DLST: variants seen among roughly 807,000 people sequenced by gnomAD.
DLST encodes dihydrolipoamide S-succinyltransferase.
A neutral mutation model predicts 53.1 loss-of-function variants in DLST; 17 were observed. The observed-to-expected ratio is 0.32, with a 90% CI of 0.22 to 0.48. The LOEUF (loss-of-function observed/expected upper bound fraction) is 0.48. Ranked by LOEUF, DLST falls within the 20% of genes least tolerant of loss-of-function variation. The pLI, the probability that DLST is intolerant of heterozygous loss-of-function variation, is 0.99. For synonymous variants in DLST, 206 were observed against 204.8 expected (o/e 1.01, Z -0.05); for missense variants, 512 against 583.9 (o/e 0.88, Z 1.27).
chr14:74,882,126 C>T (rs1883539225), intron 1 of DLST, 110 bp downstream of exon 1: 2 of 1,043,506 alleles, frequency 1.9e-6, no homozygotes, highest in Admixed American at 4.3e-5. Flanking sequence ...GCACCAAGGG[C>T]ACTGGGACGC....
intron 7 of DLST, chr14:74,891,560 C>T (rs1261649332): frequency 2.0e-6 from 2 of 994,250 alleles, no homozygotes; most frequent in Middle Eastern, 5.1e-4. Context: ...AGGAAATGCT[C>T]ATTGTCTTTT....
Position 74,887,573 on chromosome 14 carries a change from C to T in DLST, c.147-1522C>T, listed in dbSNP as rs551438580. Among the ~76,000 whole-genome samples, 28 of 152,088 alleles carry T rather than the reference C, an allele frequency of 1.8e-4. 1 individual carries two copies. The South Asian group carries it at 5.0e-3, about 27-fold the overall frequency. ...AACAATTTTTGGTTTTATGTTTTTA[C>T]TAATAGTATTATATTTACATGATTA... On this transcript the variant is annotated intron_variant, in intron 3 of 14. Coordinates refer to ENST00000334220, the MANE Select transcript of DLST (RefSeq NM_001933.5).
At chr14:74,889,432 G>C (rs1883824843) in intron 5 of DLST, 83 bp downstream of exon 5, 2 of 1,161,626 alleles carry the variant, frequency 1.7e-6, no homozygotes, top group Non-Finnish European at 1.2e-6. Context: ...GCAGTGGTAT[G>C]ATCTCGGCTC....
At chr14:74,900,458 A>C in intron 13 of DLST, 86 bp downstream of exon 13, 6 of 1,230,028 alleles carry the variant, frequency 4.9e-6, no homozygotes, top group Non-Finnish European at 7.2e-6. Context: ...AGCAGTGCTC[A>C]TGGAAAGTCA....
At chr14:74,885,510 CA>C (rs1169931847) in intron 2 of DLST, 75 bp from the exon 3 acceptor site, 9 of 1,449,438 alleles carry the variant, frequency 6.2e-6, no homozygotes, top group Admixed American at 1.7e-5. Flanking sequence ...TGGGGGTGAG[CA>C]GACCTTTTCC....
At chr14:74,891,219 G>A in intron 7 of DLST, 52 bp downstream of exon 7, 1 of 1,612,408 alleles carries the variant, frequency 6.2e-7, no homozygotes, top group South Asian at 1.1e-5. Flanking sequence ...TCTTGGGATT[G>A]GGACTGAGCA....
At position 74,893,900 on chromosome 14, in the gene DLST, TATG is replaced by T. The variant is rs1395532705; in HGVS notation, c.673-409_673-407del. On this transcript the variant is annotated intron_variant, in intron 9 of 14. Coordinates refer to ENST00000334220, the MANE Select transcript of DLST (RefSeq NM_001933.5). ...TCTGCCTGAGAATACTTCCTAAAAATATGATAGCCTCGAAAGTTTGTTGCTCAT... is the reference window on the plus strand; with the variant it reads ...TCTGCCTGAGAATACTTCCTAAAAATATAGCCTCGAAAGTTTGTTGCTCAT... 5.3e-5 allele frequency among the ~76,000 whole-genome samples: 8 copies of T among 152,304 alleles called. No individual in the cohort carries two copies. The East Asian group carries it at 1.4e-3, about 26-fold the overall frequency.
At chr14:74,882,125 G>T (rs1257140676) in intron 1 of DLST, 109 bp downstream of exon 1, 3 of 1,045,546 alleles carry the variant, frequency 2.9e-6, no homozygotes, top group Non-Finnish European at 3.7e-6. Flanking sequence ...GGCACCAAGG[G>T]CACTGGGACG....
chr14:74,885,198 G>A (rs960584040), intron 2 of DLST, among the ~76,000 whole-genome samples: 3 of 152,164 alleles, frequency 2.0e-5, no homozygotes, highest in African/African-American at 4.8e-5. Flanking sequence ...CACAGGATAA[G>A]CCATCCCATG....
Position 74,902,435 on chromosome 14 carries a change from GCTGTTGGC to G in DLST, c.*108_*115del. On this transcript the variant is annotated 3_prime_UTR_variant, in exon 15 of 15. Transcript: ENST00000334220. ...TTAGCCTGGTGACAGGCAGACACAT[GCTGTTGGC>G]CTCAAGCAAGGAAGCAGAGCACTGT... is the stretch of plus-strand genomic sequence containing the variant. 1 of 1,404,848 alleles carries G rather than the reference GCTGTTGGC, an allele frequency of 7.1e-7. No individual in the cohort carries two copies. The highest frequency in any genetic ancestry group is 1.5e-5 in the South Asian group (1 of 65,310). The allele number at this position is 1,404,848 out of a possible 1,614,324, so 87.0% of individuals were successfully genotyped here.
intron 8 of DLST, 88 bp downstream of exon 8, chr14:74,893,074 C>T: frequency 6.9e-7 from 1 of 1,453,408 alleles, no homozygotes. Context: ...GATGATGGTT[C>T]TGAACAGGCC....
intron 9 of DLST, 105 bp downstream of exon 9, chr14:74,893,529 C>A: frequency 2.4e-6 from 3 of 1,230,400 alleles, no homozygotes; most frequent in South Asian, 1.2e-5. Flanking sequence ...GCAGCTCATT[C>A]CCTCAACCTT....
At position 74,884,278 on chromosome 14, in the gene DLST, T is replaced by G. The variant is rs12882632; in HGVS notation, c.98-1308T>G. 1.4e-3 allele frequency among the ~76,000 whole-genome samples: 214 copies of G among 152,290 alleles called. 6 individuals are homozygous for G. The East Asian group carries it at 0.038, about 27-fold the overall frequency. On this transcript the variant is annotated intron_variant, in intron 2 of 14. Transcript: ENST00000334220. The stretch of plus-strand genomic sequence containing the variant: ...AGTGTGGACTTTATCCTGAGAGTTA[T>G]GAGAACATAAAGCCCCTAGCACAAT...
chr14:74,892,756 A>G, intron 7 of DLST, 78 bp from the exon 8 acceptor site: 1 of 1,446,252 alleles, frequency 6.9e-7, no homozygotes. Flanking sequence ...TTGGAGCTAG[A>G]GTTTTTGCCA....
chr14:74,889,243 A>C (rs1179052157), intron 4 of DLST, 32 bp from the exon 5 acceptor site: 2 of 1,608,028 alleles, frequency 1.2e-6, no homozygotes, highest in Non-Finnish European at 1.7e-6. Flanking sequence ...AAAATGAACT[A>C]CTTATGATTT....
At chr14:74,889,728 C>T in intron 5 of DLST, 169 bp from the exon 6 acceptor site, 2 of 629,356 alleles carry the variant, frequency 3.2e-6, no homozygotes, top group South Asian at 2.2e-5. Context: ...ATTCTCCCCT[C>T]CCCTCAGGAT....
chr14:74,884,405 T>C (rs1443145796), intron 2 of DLST, among the ~76,000 whole-genome samples: 3 of 152,086 alleles, frequency 2.0e-5, no homozygotes, highest in East Asian at 3.9e-4. Flanking sequence ...GGCAGGACAA[T>C]GGAAAGAGCC....
intron 9 of DLST, 111 bp from the exon 10 acceptor site, chr14:74,894,201 C>T: frequency 7.8e-7 from 1 of 1,279,282 alleles, no homozygotes; most frequent in Non-Finnish European, 1.1e-6. Flanking sequence ...TACTTAGATA[C>T]TGTAGTCCTT....
At chr14:74,885,856 C>T in intron 3 of DLST, 1 of 481,310 alleles carries the variant, frequency 2.1e-6, no homozygotes, top group Non-Finnish European at 3.6e-6. Flanking sequence ...GCCCACTCTC[C>T]ACAGGTGTTT....
Sources: allele counts gnomAD v4.1 joint callset (sites outside exome capture counted in the v4.1 genomes callset), GRCh38; gene constraint gnomAD v4.1.1; transcripts MANE v1.5; gene names NCBI Gene and HGNC (gene_info 2026-07-23, HGNC 2026-07-21).